Variants in MACROD2 observed in about 807,000 individuals in gnomAD.
MACROD2 encodes the protein ADP-ribose glycohydrolase MACROD2.
A neutral mutation model predicts 70.4 loss-of-function variants in MACROD2; 36 were observed. That is an observed-to-expected ratio of 0.51 (90% CI 0.39 to 0.68). The LOEUF (loss-of-function observed/expected upper bound fraction) is 0.68, where lower values mean the gene tolerates loss of function less well. MACROD2 is among the 30% of genes least tolerant of loss of function. The pLI is 0.00. For synonymous variants in MACROD2, 172 were observed against 178.8 expected (o/e 0.96, Z 0.30); for missense variants, 496 against 538.4 (o/e 0.92, Z 0.78).
intron 3 of MACROD2, among the ~76,000 whole-genome samples, chr20:14,196,003 A>G (rs980533340): frequency 1.3e-5 from 2 of 152,176 alleles, no homozygotes; most frequent in African/African-American, 2.4e-5. Flanking sequence ...AGCACCGTGT[A>G]ACACACACCC....
chr20:15,492,856 T>C (rs1348160241), intron 7 of MACROD2, among the ~76,000 whole-genome samples: 2 of 152,238 alleles, frequency 1.3e-5, no homozygotes, highest in Non-Finnish European at 1.5e-5. Flanking sequence ...TTGATTTTTT[T>C]AAACTGCTGC....
chr20:15,495,853 G>A (rs2047290925), intron 7 of MACROD2, among the ~76,000 whole-genome samples: 1 of 152,212 alleles, frequency 6.6e-6, no homozygotes, highest in Non-Finnish European at 1.5e-5. Flanking sequence ...TGTCAGAGAA[G>A]CCTTTCCTGA....
At chr20:15,320,888 C>T (rs931613853) in intron 6 of MACROD2, among the ~76,000 whole-genome samples, 4 of 152,156 alleles carry the variant, frequency 2.6e-5, no homozygotes, top group African/African-American at 4.8e-5. Flanking sequence ...GTGTCATTGC[C>T]CTGCCTAGCC....
intron 5 of MACROD2, among the ~76,000 whole-genome samples, chr20:14,702,432 C>T (rs977540601): frequency 2.0e-5 from 3 of 151,244 alleles, no homozygotes; most frequent in Non-Finnish European, 4.4e-5. Flanking sequence ...ACCAGAAGCA[C>T]GGAAATAGCC....
chr20:14,062,369 C>T (rs1036015660), intron 2 of MACROD2, among the ~76,000 whole-genome samples: 6 of 152,064 alleles, frequency 3.9e-5, no homozygotes, highest in Admixed American at 1.3e-4. Flanking sequence ...AGAGATTAAG[C>T]GTCATTTATA....
At chr20:14,043,018 A>T (rs1443828804) in intron 2 of MACROD2, among the ~76,000 whole-genome samples, 1 of 109,744 alleles carries the variant, frequency 9.1e-6, no homozygotes, top group Non-Finnish European at 2.0e-5. Context: ...TTCTGAGCTC[A>T]TATGAGCCTC....
At chr20:14,235,033 C>T (rs2122217371) in intron 3 of MACROD2, among the ~76,000 whole-genome samples, 1 of 152,122 alleles carries the variant, frequency 6.6e-6, no homozygotes, top group African/African-American at 2.4e-5. Flanking sequence ...AAGAGGCCCA[C>T]ACTGTTTCTG....
chr20:14,439,870 T>A (rs530529366), intron 3 of MACROD2, among the ~76,000 whole-genome samples: 1 of 152,210 alleles, frequency 6.6e-6, no homozygotes, highest in Admixed American at 6.5e-5. Flanking sequence ...CATAGATAAG[T>A]CCCAGAGGCA....
At chr20:14,195,771 T>C (rs2081425557) in intron 3 of MACROD2, among the ~76,000 whole-genome samples, 1 of 152,260 alleles carries the variant, frequency 6.6e-6, no homozygotes, top group East Asian at 1.9e-4. Flanking sequence ...GCCAAGCAGC[T>C]CGACTCTAGG....
chr20:15,000,156 A>C (rs186797016), intron 5 of MACROD2, among the ~76,000 whole-genome samples: 4 of 152,256 alleles, frequency 2.6e-5, no homozygotes, highest in Admixed American at 6.5e-5. Context: ...GCAAATATCA[A>C]CTGAATTCAT....
chr20:14,072,027 C>T (rs2053850898), intron 2 of MACROD2, among the ~76,000 whole-genome samples: 1 of 152,132 alleles, frequency 6.6e-6, no homozygotes, highest in African/African-American at 2.4e-5. Context: ...TTTGTATAAA[C>T]AAGCAAAGAA....
chr20:15,411,331 T>C (rs1218556912), intron 6 of MACROD2, among the ~76,000 whole-genome samples: 3 of 152,244 alleles, frequency 2.0e-5, no homozygotes, highest in Non-Finnish European at 4.4e-5. Context: ...TCACATATAG[T>C]ATTTCTGCTT....
At chr20:14,045,012 C>G (rs2053448179) in intron 2 of MACROD2, among the ~76,000 whole-genome samples, 1 of 152,246 alleles carries the variant, frequency 6.6e-6, no homozygotes, top group Non-Finnish European at 1.5e-5. Flanking sequence ...TTGAGCACAG[C>G]AGCTGGTGGC....
intron 3 of MACROD2, among the ~76,000 whole-genome samples, chr20:14,138,763 CCACACACACACACACACA>C (rs11469437): frequency 6.8e-5 from 10 of 147,130 alleles, no homozygotes; most frequent in South Asian, 2.2e-4. Context: ...CTTAAGTTTT[CCACACACACACACACACA>C]CACACACACA....
chr20:14,755,096 C>A (rs2071923029), intron 5 of MACROD2, among the ~76,000 whole-genome samples: 1 of 152,078 alleles, frequency 6.6e-6, no homozygotes, highest in Non-Finnish European at 1.5e-5. Context: ...AGTTCAGAAT[C>A]TTCCAATCTG....
chr20:15,250,180 CA>C (rs1297187274), intron 6 of MACROD2, among the ~76,000 whole-genome samples: 1 of 152,130 alleles, frequency 6.6e-6, no homozygotes, highest in African/African-American at 2.4e-5. Flanking sequence ...CTCACCTCCC[CA>C]CCACCTTCAC....
At chr20:14,766,709 G>A (rs1323342080) in intron 5 of MACROD2, among the ~76,000 whole-genome samples, 1 of 152,104 alleles carries the variant, frequency 6.6e-6, no homozygotes, top group Non-Finnish European at 1.5e-5. Flanking sequence ...AATCCATGTA[G>A]GATAGATTAA....
At chr20:14,405,051 A>G (rs1006248632) in intron 3 of MACROD2, among the ~76,000 whole-genome samples, 1 of 152,192 alleles carries the variant, frequency 6.6e-6, no homozygotes, top group African/African-American at 2.4e-5. Flanking sequence ...AAGTAAGCAT[A>G]TTACTAGAGT....
chr20:14,759,964 A>G (rs1377407593), intron 5 of MACROD2, among the ~76,000 whole-genome samples: 2 of 152,150 alleles, frequency 1.3e-5, no homozygotes, highest in Admixed American at 1.3e-4. Flanking sequence ...AGACAGAGTA[A>G]GTGAATTGGT....
Sources: allele counts gnomAD v4.1 joint callset (sites outside exome capture counted in the v4.1 genomes callset), GRCh38; gene constraint gnomAD v4.1.1; transcripts MANE v1.5; gene names NCBI Gene and HGNC (gene_info 2026-07-23, HGNC 2026-07-21).